Variants in DAB1 observed in about 807,000 individuals in gnomAD.
DAB1 encodes the protein disabled homolog 1.
A neutral mutation model predicts 64.6 loss-of-function variants in DAB1; 15 were observed. The observed-to-expected ratio is 0.23, with a 90% CI of 0.16 to 0.36. The LOEUF is 0.36. DAB1 is among the 10% of genes least tolerant of loss of function. The pLI, the probability that DAB1 is intolerant of heterozygous loss-of-function variation, is 1.00. For missense variants in DAB1, 596 were observed against 706.7 expected (o/e 0.84, Z 1.78); for synonymous variants, 235 against 251.9 (o/e 0.93, Z 0.64).
intron 4 of DAB1, among the ~76,000 whole-genome samples, chr1:57,111,272 C>T (rs1026723481): frequency 6.6e-6 from 1 of 152,112 alleles, no homozygotes; most frequent in African/African-American, 2.4e-5. Context: ...TCTAATGGGA[C>T]AAAATATTCT....
At chr1:57,294,528 C>T (rs620214) in intron 1 of DAB1, among the ~76,000 whole-genome samples, 2 of 151,716 alleles carry the variant, frequency 1.3e-5, no homozygotes, top group Non-Finnish European at 2.9e-5. Context: ...CACACTAAAC[C>T]CATACTATAA....
chr1:57,210,466 T>C (rs1025997283), intron 2 of DAB1, among the ~76,000 whole-genome samples: 1 of 152,124 alleles, frequency 6.6e-6, no homozygotes, highest in Non-Finnish European at 1.5e-5. Flanking sequence ...TATCCCAGTG[T>C]TGGAGGGCAC....
At chr1:58,444,437 T>C (rs767865036) in intron 3 of DAB1, among the ~76,000 whole-genome samples, 1 of 152,218 alleles carries the variant, frequency 6.6e-6, no homozygotes, top group East Asian at 1.9e-4. Flanking sequence ...ATGTCAGAGC[T>C]GGACTTGAAC....
chr1:58,487,873 CA>C (rs1166693536), intron 3 of DAB1, among the ~76,000 whole-genome samples: 1 of 152,020 alleles, frequency 6.6e-6, no homozygotes, highest in East Asian at 1.9e-4. Flanking sequence ...AACATTCTCC[CA>C]AATATTTCAG....
chr1:57,263,028 T>C (rs375128402), intron 2 of DAB1, among the ~76,000 whole-genome samples: 5 of 152,198 alleles, frequency 3.3e-5, no homozygotes, highest in African/African-American at 1.2e-4. Flanking sequence ...TGTCTCCAAC[T>C]AGCATCTGTC....
intron 6 of DAB1, among the ~76,000 whole-genome samples, chr1:57,737,000 C>T (rs1647721618): frequency 6.6e-6 from 1 of 152,132 alleles, no homozygotes; most frequent in Admixed American, 6.5e-5. Context: ...GGAGCCCTGT[C>T]CACCTTTAAG....
intron 4 of DAB1, among the ~76,000 whole-genome samples, chr1:58,223,814 T>C (rs1415958833): frequency 6.6e-6 from 1 of 152,206 alleles, no homozygotes; most frequent in African/African-American, 2.4e-5. Flanking sequence ...TAGTGTACAA[T>C]ATAAGGCATC....
At chr1:58,459,848 C>T (rs1301735013) in intron 3 of DAB1, among the ~76,000 whole-genome samples, 1 of 152,132 alleles carries the variant, frequency 6.6e-6, no homozygotes, top group Admixed American at 6.5e-5. Context: ...CTTGATGGTG[C>T]ATGCCTGTAA....
At chr1:57,886,544 G>A (rs571364255), upstream of DAB1, among the ~76,000 whole-genome samples, 2 of 152,060 alleles carry the variant, frequency 1.3e-5, no homozygotes, top group Non-Finnish European at 2.9e-5. Flanking sequence ...TAAGCCCTTC[G>A]TATACTTCAT....
chr1:58,267,250 A>G (rs927528785), intron 4 of DAB1, among the ~76,000 whole-genome samples: 3 of 152,182 alleles, frequency 2.0e-5, no homozygotes, highest in Admixed American at 6.6e-5. Context: ...ATAAAAAATA[A>G]TATAAGTAGA....
At chr1:57,026,093 C>T (rs1246458676) in intron 9 of DAB1, 50 bp from the exon 10 acceptor site, 1 of 1,397,300 alleles carries the variant, frequency 7.2e-7, no homozygotes. Flanking sequence ...GCTGGTGCTG[C>T]TGGGCCCTGC....
chr1:57,138,212 C>T (rs1658293556), intron 3 of DAB1, among the ~76,000 whole-genome samples: 1 of 152,134 alleles, frequency 6.6e-6, no homozygotes, highest in South Asian at 2.1e-4. Flanking sequence ...CTTGCAGACT[C>T]ACAGACATGC....
At chr1:57,392,406 T>A (rs955796115) in intron 1 of DAB1, among the ~76,000 whole-genome samples, 1 of 152,176 alleles carries the variant, frequency 6.6e-6, no homozygotes, top group East Asian at 1.9e-4. Flanking sequence ...AAAAAGCATA[T>A]AACGAACACT....
At chr1:57,133,421 G>T (rs1255916542) in intron 4 of DAB1, among the ~76,000 whole-genome samples, 2 of 152,172 alleles carry the variant, frequency 1.3e-5, no homozygotes, top group Non-Finnish European at 2.9e-5. Flanking sequence ...GAACCTCACT[G>T]CCCTTATCTG....
In DAB1 at chr1:58,425,854, C is replaced by T. The variant is rs181275630; in HGVS notation, n.257+80206G>A. Among the ~76,000 whole-genome samples, 733 of 152,002 alleles carry T rather than the reference C, an allele frequency of 4.8e-3. 3 individuals carry two copies. The highest frequency in any genetic ancestry group is 9.6e-3 in the South Asian group (46 of 4,802). ...TCAAGCAGATTGGCAGGGGAGAAGCCTTCTGGCCCCAACCCTGAGGATGAG... is the reference window on the plus strand; with the variant it reads ...TCAAGCAGATTGGCAGGGGAGAAGCTTTCTGGCCCCAACCCTGAGGATGAG... On this transcript the variant is annotated intron_variant and non_coding_transcript_variant, in intron 3 of 20. Coordinates refer to the DAB1 transcript ENST00000485760.
chr1:57,509,285 C>T lies in DAB1; in HGVS notation n.625+140307G>A, dbSNP rs568383262. Among the ~76,000 whole-genome samples the T allele has an allele frequency of 1.0e-3, 157 of 152,188 alleles. 1 individual carries two copies. Among genetic ancestry groups the T allele is most frequent in the African/African-American group, 3.4e-3 (143 of 41,534 alleles). ...CTTTCCTCTCTTTATTTTCTTAAAA[C>T]AGCACTGCCACCCCCTATGCAATGC... is the stretch of plus-strand genomic sequence containing the variant. On this transcript the variant is annotated intron_variant and non_coding_transcript_variant, in intron 7 of 20. Transcript: ENST00000485760.
intron 6 of DAB1, among the ~76,000 whole-genome samples, chr1:57,698,020 T>C (rs1570748565): frequency 1.3e-5 from 2 of 152,130 alleles, no homozygotes; most frequent in South Asian, 2.1e-4. Flanking sequence ...GTTTGGTGTA[T>C]TTTGACTGCA....
chr1:58,081,869 T>C (rs954120119), intron 5 of DAB1, among the ~76,000 whole-genome samples: 3 of 152,204 alleles, frequency 2.0e-5, no homozygotes, highest in African/African-American at 4.8e-5. Context: ...TGGGGACTTG[T>C]AGTGTTTCTG....
At chr1:58,223,945 C>T (rs1480370481) in intron 4 of DAB1, among the ~76,000 whole-genome samples, 1 of 152,168 alleles carries the variant, frequency 6.6e-6, no homozygotes, top group African/African-American at 2.4e-5. Context: ...AATTGCTTCC[C>T]TAGCTTTTTA....
Sources: gnomAD v4.1 joint callset for allele counts (sites outside exome capture counted in the v4.1 genomes callset) on GRCh38, gnomAD v4.1.1 for gene constraint, MANE v1.5 for transcripts, NCBI Gene and HGNC (gene_info 2026-07-23, HGNC 2026-07-21) for gene names.